SAMMSON: variants seen among roughly 807,000 people sequenced by gnomAD.
The protein encoded by SAMMSON is survival associated mitochondrial melanoma specific oncogenic non-coding RNA.
intron 6 of SAMMSON, among the ~76,000 whole-genome samples, chr3:70,251,456 T>C (rs1202966324): frequency 3.3e-5 from 5 of 152,092 alleles, no homozygotes; most frequent in African/African-American, 4.8e-5. Context: ...TAATAGTGGG[T>C]ATATATTAGA....
intron 3 of SAMMSON, among the ~76,000 whole-genome samples, chr3:70,047,375 C>G (rs948478691): frequency 2.6e-5 from 4 of 151,338 alleles, no homozygotes; most frequent in African/African-American, 9.7e-5. Flanking sequence ...ATCACCCAGG[C>G]TCCCAGGCTG....
At chr3:70,290,093 T>C (rs1403255924) in intron 6 of SAMMSON, among the ~76,000 whole-genome samples, 1 of 152,220 alleles carries the variant, frequency 6.6e-6, no homozygotes, top group Non-Finnish European at 1.5e-5. Flanking sequence ...CTTTGTTCCG[T>C]TGCTGGTGAG....
At chr3:70,261,746 T>C (rs770756458) in intron 6 of SAMMSON, among the ~76,000 whole-genome samples, 1 of 152,166 alleles carries the variant, frequency 6.6e-6, no homozygotes, top group Non-Finnish European at 1.5e-5. Context: ...AACCTGGGCA[T>C]GTGCAGAGGA....
Position 70,152,988 on chromosome 3 carries a change from T to G in SAMMSON, n.507+81423T>G, listed in dbSNP as rs1019027356. 7.2e-5 allele frequency among the ~76,000 whole-genome samples: 11 copies of G among 152,116 alleles called. No individual in the cohort carries two copies. In the East Asian group the frequency reaches 1.6e-3, roughly 21 times the overall value. Reference sequence around the variant, plus strand: ...AGTCACAACTGAATTTCAGTAGAAGTGTCTCATGCGATGCGTAAATGTATG... The same window carrying G: ...AGTCACAACTGAATTTCAGTAGAAGGGTCTCATGCGATGCGTAAATGTATG... On this transcript the variant is annotated intron_variant and non_coding_transcript_variant, in intron 4 of 9. Coordinates refer to ENST00000642114, the Ensembl canonical transcript of SAMMSON.
chr3:70,034,646 C>G (rs1269225156), intron 3 of SAMMSON, among the ~76,000 whole-genome samples: 1 of 152,138 alleles, frequency 6.6e-6, no homozygotes, highest in Non-Finnish European at 1.5e-5. Flanking sequence ...GAGTTCGAGA[C>G]CAGCCTGGCC....
intron 7 of SAMMSON, among the ~76,000 whole-genome samples, chr3:70,325,668 A>G (rs931216603): frequency 2.0e-5 from 3 of 152,158 alleles, no homozygotes; most frequent in Non-Finnish European, 4.4e-5. Context: ...ACCCTCTTTC[A>G]AAGGAATAAA....
At chr3:70,023,890 C>T (rs1005015431) in intron 3 of SAMMSON, among the ~76,000 whole-genome samples, 4 of 152,188 alleles carry the variant, frequency 2.6e-5, no homozygotes, top group African/African-American at 4.8e-5. Context: ...TACACCATGT[C>T]CATTTCTGTC....
At chr3:70,067,978 A>G (rs568831214) in intron 3 of SAMMSON, among the ~76,000 whole-genome samples, 1 of 152,198 alleles carries the variant, frequency 6.6e-6, no homozygotes, top group South Asian at 2.1e-4. Context: ...TGGTGGGGGT[A>G]GAGTCTATAA....
At chr3:70,364,388 G>A (rs904383027) in intron 9 of SAMMSON, among the ~76,000 whole-genome samples, 2 of 151,892 alleles carry the variant, frequency 1.3e-5, no homozygotes, top group Non-Finnish European at 2.9e-5. Context: ...TTACTTCCTT[G>A]AGTATATTGT....
At chr3:70,149,364 CA>C (rs2067562317) in intron 4 of SAMMSON, among the ~76,000 whole-genome samples, 1 of 152,086 alleles carries the variant, frequency 6.6e-6, no homozygotes, top group Non-Finnish European at 1.5e-5. Context: ...CCTGCTTCTA[CA>C]GTTAGTAGTG....
rs1040854567 is a variant in SAMMSON, at chr3:70,385,810, T to G, written n.914-3764T>G. ...CTCCTAAAGTACAGATATGTCATCT[T>G]AACTTTACTTAAACAGTGGTAGAGT... On this transcript the variant is annotated intron_variant and non_coding_transcript_variant, in intron 9 of 9. Coordinates refer to ENST00000642114, the Ensembl canonical transcript of SAMMSON. Among the ~76,000 whole-genome samples, 3 of 152,162 alleles carry G rather than the reference T, an allele frequency of 2.0e-5. No individual in the cohort carries two copies. The East Asian group carries it at 5.8e-4, about 29-fold the overall frequency.
At chr3:70,183,662 G>T (rs183649326) in intron 4 of SAMMSON, 1 of 152,210 alleles carries the variant, frequency 6.6e-6, no homozygotes, top group Non-Finnish European at 1.5e-5. Context: ...TGTCCAAATT[G>T]TGACAGAAAA....
chr3:70,306,529 G>T (rs1402483666), intron 7 of SAMMSON, among the ~76,000 whole-genome samples: 1 of 152,136 alleles, frequency 6.6e-6, no homozygotes, highest in East Asian at 1.9e-4. Context: ...TTCCTTCCTG[G>T]CATGGATGGA....
intron 4 of SAMMSON, among the ~76,000 whole-genome samples, chr3:70,224,622 G>A (rs1396582378): frequency 1.3e-5 from 2 of 152,126 alleles, no homozygotes; most frequent in Non-Finnish European, 2.9e-5. Flanking sequence ...AGTGCCAGAG[G>A]CAGTAACGGG....
At chr3:70,131,429 A>G (rs898130306) in intron 4 of SAMMSON, among the ~76,000 whole-genome samples, 2 of 152,134 alleles carry the variant, frequency 1.3e-5, no homozygotes, top group African/African-American at 4.8e-5. Flanking sequence ...GAAAATTCTT[A>G]TTTACTAGAC....
chr3:70,376,760 C>T (rs1360946799), intron 9 of SAMMSON, among the ~76,000 whole-genome samples: 1 of 152,030 alleles, frequency 6.6e-6, no homozygotes, highest in Non-Finnish European at 1.5e-5. Context: ...AAATAAAGAC[C>T]ACCTACAAAT....
chr3:70,002,066 G>A (rs1220648739), intron 1 of SAMMSON, among the ~76,000 whole-genome samples: 1 of 152,170 alleles, frequency 6.6e-6, no homozygotes, highest in Admixed American at 6.5e-5. Flanking sequence ...GCCTGCATGA[G>A]TCTTCTTTAT....
chr3:70,330,710 G>T (rs1401152866), intron 7 of SAMMSON, among the ~76,000 whole-genome samples: 1 of 151,988 alleles, frequency 6.6e-6, no homozygotes, highest in Non-Finnish European at 1.5e-5. Flanking sequence ...GATGTTTTTG[G>T]TTTTTAATTA....
At chr3:70,253,913 T>C (rs1264453568) in intron 6 of SAMMSON, among the ~76,000 whole-genome samples, 1 of 152,130 alleles carries the variant, frequency 6.6e-6, no homozygotes, top group Non-Finnish European at 1.5e-5. Flanking sequence ...AAATGTATAA[T>C]CTCTTTTAAA....
Sources: gnomAD v4.1 joint callset for allele counts (sites outside exome capture counted in the v4.1 genomes callset) on GRCh38, gnomAD v4.1.1 for gene constraint, MANE v1.5 for transcripts, NCBI Gene and HGNC (gene_info 2026-07-23, HGNC 2026-07-21) for gene names.